Variants in TRPM3 observed in about 807,000 individuals in gnomAD.
TRPM3 encodes transient receptor potential cation channel subfamily M member 3.
TRPM3 carries 77 observed loss-of-function variants against 181.2 expected under a neutral mutation model. That is an observed-to-expected ratio of 0.42 (90% CI 0.35 to 0.51). TRPM3 has a LOEUF of 0.51. Ranked by LOEUF, TRPM3 falls within the 20% of genes least tolerant of loss-of-function variation. TRPM3 has a pLI of 0.01. For synonymous variants in TRPM3, 745 were observed against 796.4 expected, an observed-to-expected ratio of 0.94 and a Z score of 1.09; for missense variants, 1,759 against 2,196.7, an observed-to-expected ratio of 0.80 and a Z score of 3.98.
chr9:70,688,770 C>T (rs553983898), intron 8 of TRPM3, among the ~76,000 whole-genome samples: 2 of 152,240 alleles, frequency 1.3e-5, no homozygotes, highest in Admixed American at 1.3e-4. Context: ...TTTCAGTAGA[C>T]ATGTGCATTT....
chr9:71,344,544 T>C (rs553073135), intron 1 of TRPM3, among the ~76,000 whole-genome samples: 312 of 152,168 alleles, frequency 2.1e-3, no homozygotes, highest in African/African-American at 7.4e-3. Context: ...TTGCATGACC[T>C]AAAAATATCT....
At chr9:70,764,220 G>A (rs1395104410) in intron 7 of TRPM3, among the ~76,000 whole-genome samples, 1 of 152,142 alleles carries the variant, frequency 6.6e-6, no homozygotes, top group Non-Finnish European at 1.5e-5. Context: ...GTAAAGACAT[G>A]CACACTCAGA....
intron 1 of TRPM3, among the ~76,000 whole-genome samples, chr9:70,984,458 T>C: frequency 6.6e-6 from 1 of 152,230 alleles, no homozygotes; most frequent in East Asian, 1.9e-4. Flanking sequence ...TTCCAAACAC[T>C]TTCTCTTAAT....
At position 71,053,092 on chromosome 9, in the gene TRPM3, GAAAAAAAAAA is replaced by G. The variant is rs36015552; in HGVS notation, c.177+68076_177+68085del. 2.4e-3 allele frequency among the ~76,000 whole-genome samples: 152 copies of G among 62,468 alleles called. 3 individuals are homozygous for G. Among genetic ancestry groups the G allele is most frequent in the South Asian group, 0.02 (20 of 1,024 alleles). 41.0% of individuals were successfully genotyped at this position (62,468 alleles called of 152,430 possible). On this transcript the variant is annotated intron_variant, in intron 1 of 25. Transcript: ENST00000677713. The stretch of plus-strand genomic sequence containing the variant: ...ACTTCTTCTTTAGAACCATCCTAAG[GAAAAAAAAAA>G]AAAAAAAAAAAAAAAGCAGCAGGGA...
chr9:71,240,061 A>T (rs1319080350), intron 1 of TRPM3, among the ~76,000 whole-genome samples: 2 of 152,186 alleles, frequency 1.3e-5, no homozygotes, highest in African/African-American at 4.8e-5. Flanking sequence ...TTTGTCAAGG[A>T]TTAACTAAAG....
chr9:71,195,038 A>AGG (rs1268777475), intron 1 of TRPM3, among the ~76,000 whole-genome samples: 1 of 151,920 alleles, frequency 6.6e-6, no homozygotes, highest in Non-Finnish European at 1.5e-5. Flanking sequence ...ATCACATTAA[A>AGG]GAATATCGTT....
At chr9:71,302,613 T>C (rs2086880254) in intron 1 of TRPM3, among the ~76,000 whole-genome samples, 1 of 152,164 alleles carries the variant, frequency 6.6e-6, no homozygotes, top group Non-Finnish European at 1.5e-5. Flanking sequence ...AATTTCAAAA[T>C]GAGTTCTTAA....
intron 1 of TRPM3, among the ~76,000 whole-genome samples, chr9:71,132,353 T>TA (rs553728907): frequency 4.5e-4 from 68 of 152,320 alleles, no homozygotes; most frequent in African/African-American, 1.5e-3. Context: ...AAAATATATA[T>TA]TTTTAGAAGA....
At chr9:70,913,844 A>T (rs2096563350) in intron 1 of TRPM3, among the ~76,000 whole-genome samples, 1 of 152,198 alleles carries the variant, frequency 6.6e-6, no homozygotes, top group Admixed American at 6.5e-5. Flanking sequence ...ATTGCTAAGC[A>T]TACAGGTTCT....
intron 1 of TRPM3, among the ~76,000 whole-genome samples, chr9:71,187,235 A>G (rs2077732040): frequency 6.6e-6 from 1 of 151,994 alleles, no homozygotes; most frequent in East Asian, 1.9e-4. Flanking sequence ...TGGTTAATCT[A>G]CATTCAAGAG....
At chr9:71,235,770 T>C (rs1197844971) in intron 1 of TRPM3, among the ~76,000 whole-genome samples, 1 of 152,198 alleles carries the variant, frequency 6.6e-6, no homozygotes, top group African/African-American at 2.4e-5. Context: ...TGGGTGCCAA[T>C]CTGGATGTTT....
chr9:71,140,509 C>G (rs1322299072), intron 1 of TRPM3, among the ~76,000 whole-genome samples: 3 of 152,124 alleles, frequency 2.0e-5, no homozygotes, highest in Admixed American at 2.0e-4. Flanking sequence ...ATATGACATC[C>G]TGACACCTCC....
chr9:71,318,663 C>G (rs1017835838), intron 1 of TRPM3, among the ~76,000 whole-genome samples: 1 of 151,970 alleles, frequency 6.6e-6, no homozygotes, highest in African/African-American at 2.4e-5. Flanking sequence ...CCTGTAGTCC[C>G]CTTACTGCTA....
At chr9:71,295,901 T>C (rs1435602137) in intron 1 of TRPM3, among the ~76,000 whole-genome samples, 1 of 151,006 alleles carries the variant, frequency 6.6e-6, no homozygotes, top group Non-Finnish European at 1.5e-5. Context: ...TAGAAGTTGG[T>C]CAACATAGTG....
chr9:70,900,352 A>AAAAC (rs200585365), intron 1 of TRPM3, among the ~76,000 whole-genome samples: 2,993 of 152,172 alleles, frequency 0.02, 51 homozygotes, highest in Middle Eastern at 0.048. Context: ...AAAACAAAAC[A>AAAAC]AAACAAACAA....
chr9:70,608,039 C>T lies in TRPM3; in HGVS notation c.2667+2570G>A, dbSNP rs138978291. Reference sequence around the variant, plus strand: ...TGTAACAAGACCAATCACCGAGTTTCGGTCAATCAAATGTAGCCAACTGCT... The same window carrying T: ...TGTAACAAGACCAATCACCGAGTTTTGGTCAATCAAATGTAGCCAACTGCT... On this transcript the variant is annotated intron_variant, in intron 19 of 25. Coordinates refer to ENST00000677713, the MANE Select transcript of TRPM3 (RefSeq NM_001366145.2). 1.1e-4 allele frequency among the ~76,000 whole-genome samples: 16 copies of T among 152,328 alleles called. No homozygotes were observed. The East Asian group carries it at 3.1e-3, about 29-fold the overall frequency.
intron 1 of TRPM3, among the ~76,000 whole-genome samples, chr9:71,042,776 T>G (rs547048351): frequency 4.3e-4 from 65 of 152,266 alleles, no homozygotes; most frequent in African/African-American, 1.1e-3. Context: ...AACAGCAGAG[T>G]CCTTAAAAGG....
At chr9:71,351,569 ACAGT>A (rs2091626032) in intron 1 of TRPM3, among the ~76,000 whole-genome samples, 1 of 152,252 alleles carries the variant, frequency 6.6e-6, no homozygotes, top group Non-Finnish European at 1.5e-5. Flanking sequence ...GTCTTTTTAA[ACAGT>A]CAAATACTAC....
chr9:70,922,406 C>T (rs557170256), intron 1 of TRPM3, among the ~76,000 whole-genome samples: 1 of 152,216 alleles, frequency 6.6e-6, no homozygotes, highest in East Asian at 1.9e-4. Flanking sequence ...GTGCCAATTG[C>T]ATATTCTGTA....
Sources: allele counts gnomAD v4.1 joint callset (sites outside exome capture counted in the v4.1 genomes callset), GRCh38; gene constraint gnomAD v4.1.1; transcripts MANE v1.5; gene names NCBI Gene and HGNC (gene_info 2026-07-23, HGNC 2026-07-21).